The following ERBB4 variants were observed in gnomAD, a reference collection of about 807,000 sequenced individuals.
ERBB4 encodes the protein erb-b2 receptor tyrosine kinase 4, also known as receptor tyrosine-protein kinase erbB-4.
ERBB4 carries 42 observed loss-of-function variants against 158.0 expected under a neutral mutation model. The observed-to-expected ratio is 0.27, with a 90% confidence interval of 0.21 to 0.34. The LOEUF is 0.34. ERBB4 is among the 10% of genes least tolerant of loss of function. The probability of loss-of-function intolerance (pLI) is 1.00; values close to 1 mark genes in which losing one functional copy is unlikely to be tolerated. For synonymous variants in ERBB4, 583 were observed against 558.7 expected (o/e 1.04, Z -0.61); for missense variants, 1,333 against 1,624.1 (o/e 0.82, Z 3.08).
At chr2:211,875,702 T>C (rs1317661360) in intron 3 of ERBB4, among the ~76,000 whole-genome samples, 1 of 152,200 alleles carries the variant, frequency 6.6e-6, no homozygotes, top group Non-Finnish European at 1.5e-5. Flanking sequence ...TCACATTGAC[T>C]CATCATTTAC....
At chr2:212,427,095 G>A (rs10193290) in intron 1 of ERBB4, among the ~76,000 whole-genome samples, 14,080 of 152,142 alleles carry the variant, frequency 0.093, 891 homozygotes, top group Non-Finnish European at 0.15. Context: ...TTCTAATGCA[G>A]TAGTCCAACC....
chr2:211,668,591 C>T (rs1553606254), intron 14 of ERBB4, among the ~76,000 whole-genome samples: 1 of 149,254 alleles, frequency 6.7e-6, no homozygotes, highest in Non-Finnish European at 1.5e-5. Flanking sequence ...AGAAGCATGA[C>T]TTTTTTTTTT....
intron 2 of ERBB4, among the ~76,000 whole-genome samples, chr2:212,102,088 TTTTATATATA>T (rs1215271876): frequency 7.8e-5 from 2 of 25,510 alleles, no homozygotes; most frequent in African/African-American, 6.1e-4. Context: ...TGAAAATTTA[TTTTATATATA>T]TATATATATA....
chr2:212,235,374 T>C (rs1426285020), intron 1 of ERBB4, among the ~76,000 whole-genome samples: 1 of 152,224 alleles, frequency 6.6e-6, no homozygotes, highest in African/African-American at 2.4e-5. Flanking sequence ...TTTTGGTTAC[T>C]GTAGCTTTGT....
intron 20 of ERBB4, among the ~76,000 whole-genome samples, chr2:211,491,591 A>G (rs1409996714): frequency 6.6e-6 from 1 of 152,068 alleles, no homozygotes. Flanking sequence ...ACCTACTATG[A>G]TAAGGAAACT....
intron 3 of ERBB4, among the ~76,000 whole-genome samples, chr2:211,859,185 A>G (rs1174075987): frequency 1.3e-5 from 2 of 152,212 alleles, no homozygotes; most frequent in Non-Finnish European, 2.9e-5. Context: ...CAAAACTGTA[A>G]ATGAACTTAG....
At chr2:212,248,873 G>A (rs1179390276) in intron 1 of ERBB4, among the ~76,000 whole-genome samples, 1 of 151,896 alleles carries the variant, frequency 6.6e-6, no homozygotes, top group African/African-American at 2.4e-5. Context: ...CTCACCAACA[G>A]GAGCTATAGT....
At chr2:211,436,852 A>G (rs147607825) in intron 20 of ERBB4, among the ~76,000 whole-genome samples, 1,660 of 152,338 alleles carry the variant, frequency 0.011, 39 homozygotes, top group African/African-American at 0.038. Context: ...AAGAAAAATT[A>G]GGAGACATAT....
At position 211,765,694 on chromosome 2, in the gene ERBB4, A is replaced by G. The variant is rs149020167; in HGVS notation, c.557-14990T>C. Among the ~76,000 whole-genome samples the G allele has an allele frequency of 3.6e-3, 546 of 152,318 alleles. 5 individuals are homozygous for G. The highest frequency in any genetic ancestry group is 0.014 in the Middle Eastern group (4 of 294). ...ATGTATAGCAAGTCTTTTCAATAAAAATAGTTGGTATTTAAAATTATGCAT... is the reference window on the plus strand; with the variant it reads ...ATGTATAGCAAGTCTTTTCAATAAAGATAGTTGGTATTTAAAATTATGCAT... On this transcript the variant is annotated intron_variant, in intron 4 of 27. Transcript: ENST00000342788.
At chr2:212,335,870 A>G (rs1243521908) in intron 1 of ERBB4, among the ~76,000 whole-genome samples, 3 of 152,186 alleles carry the variant, frequency 2.0e-5, no homozygotes, top group Admixed American at 6.6e-5. Context: ...CATGAAAAAG[A>G]AGTTCCACTG....
intron 25 of ERBB4, among the ~76,000 whole-genome samples, chr2:211,413,342 A>ACT (rs1440335852): frequency 1.6e-5 from 2 of 125,936 alleles, no homozygotes; most frequent in African/African-American, 5.6e-5. Context: ...ACACACACAC[A>ACT]CACACATTGA....
chr2:211,394,657 CT>C, intron 25 of ERBB4, among the ~76,000 whole-genome samples: 1 of 152,110 alleles, frequency 6.6e-6, no homozygotes, highest in Non-Finnish European at 1.5e-5. Context: ...ATCATCAAGC[CT>C]TTTCGATGTG....
intron 1 of ERBB4, among the ~76,000 whole-genome samples, chr2:212,426,602 C>A (rs913204679): frequency 6.6e-6 from 1 of 152,016 alleles, no homozygotes. Flanking sequence ...AAGGTTCCTG[C>A]GTGTTTATAT....
intron 4 of ERBB4, among the ~76,000 whole-genome samples, chr2:211,774,660 C>T (rs551848741): frequency 6.6e-6 from 1 of 152,150 alleles, no homozygotes; most frequent in Non-Finnish European, 1.5e-5. Context: ...GCCTCTAATA[C>T]TGATAATGCT....
At chr2:212,153,042 C>T (rs2080922320) in intron 1 of ERBB4, among the ~76,000 whole-genome samples, 2 of 152,194 alleles carry the variant, frequency 1.3e-5, no homozygotes, top group African/African-American at 2.4e-5. Context: ...AGAAGCCAAT[C>T]TACAGACATA....
intron 23 of ERBB4, 64 bp downstream of exon 23, chr2:211,424,091 G>T: frequency 7.0e-7 from 1 of 1,429,362 alleles, no homozygotes; most frequent in South Asian, 1.1e-5. Flanking sequence ...TGTACAGATT[G>T]AGTAATCTCT....
At chr2:212,244,490 A>C (rs766925247) in intron 1 of ERBB4, among the ~76,000 whole-genome samples, 24 of 152,184 alleles carry the variant, frequency 1.6e-4, no homozygotes, top group Non-Finnish European at 3.2e-4. Flanking sequence ...ATGGGCATTG[A>C]GAAAGTAATT....
intron 1 of ERBB4, among the ~76,000 whole-genome samples, chr2:212,445,963 T>A (rs1029221459): frequency 6.6e-6 from 1 of 152,214 alleles, no homozygotes; most frequent in Admixed American, 6.5e-5. Context: ...TAAGAAAATA[T>A]CTTCATTTTA....
chr2:212,371,487 AACAAATATGCATTTATT>A (rs1351714525), intron 1 of ERBB4, among the ~76,000 whole-genome samples: 1 of 152,176 alleles, frequency 6.6e-6, no homozygotes, highest in East Asian at 1.9e-4. Flanking sequence ...TTTTGAATTA[AACAAATATGCATTTATT>A]ACCCACTACG....
Sources: allele counts gnomAD v4.1 joint callset (sites outside exome capture counted in the v4.1 genomes callset), GRCh38; gene constraint gnomAD v4.1.1; transcripts MANE v1.5; gene names NCBI Gene and HGNC (gene_info 2026-07-23, HGNC 2026-07-21).